UNK: variants seen among roughly 807,000 people sequenced by gnomAD.
UNK encodes RING finger protein unkempt homolog.
UNK carries 32 observed loss-of-function variants against 97.6 expected under a neutral mutation model. The ratio of observed to expected loss-of-function variants is 0.33; its 90% CI spans 0.25 to 0.44. The LOEUF is 0.44. Ranked by LOEUF, UNK falls within the 20% of genes least tolerant of loss-of-function variation. The pLI, the probability that UNK is intolerant of heterozygous loss-of-function variation, is 1.00. For missense variants in UNK, 771 were observed against 1,098.4 expected, an observed-to-expected ratio of 0.70 and a Z score of 4.21; for synonymous variants, 441 against 461.2, an observed-to-expected ratio of 0.96 and a Z score of 0.56.
At chr17:75,795,650 T>G (rs1330549041) in intron 1 of UNK, among the ~76,000 whole-genome samples, 1 of 152,074 alleles carries the variant, frequency 6.6e-6, no homozygotes, top group Non-Finnish European at 1.5e-5. Context: ...CAGAAAAACT[T>G]TGGATAAAGT....
intron 1 of UNK, 131 bp from the exon 2 acceptor site, chr17:75,809,629 C>T: frequency 1.1e-6 from 1 of 951,438 alleles, no homozygotes; most frequent in Non-Finnish European, 1.6e-6. Flanking sequence ...CTCTGGGTCT[C>T]TCCTGGTGTT....
rs987960335 is a variant in UNK at position 75,803,120 on chromosome 17, C to T, written c.105-6640C>T. On this transcript the variant is annotated intron_variant, in intron 1 of 15. Transcript: ENST00000589666. ...TACTAAAAATACAAAAATTACAGGC[C>T]GGACGCGGTGGCTCACACCTGTAAT... is the stretch of plus-strand genomic sequence containing the variant. Among the ~76,000 whole-genome samples the T allele has an allele frequency of 5.8e-5, 3 of 51,858 alleles. 1 individual carries two copies. Among genetic ancestry groups the T allele is most frequent in the African/African-American group, 1.6e-3 (2 of 1,244 alleles). The allele number at this position is 51,858 out of a possible 152,430, so 34.0% of individuals were successfully genotyped here. A position where few individuals can be genotyped will look rare whatever the true frequency, so the allele number is the denominator to read the frequency against.
Position 75,817,208 on chromosome 17 carries a change from T to C in UNK, c.1105-118T>C, listed in dbSNP as rs946112229. 7.4e-6 allele frequency: 9 copies of C among 1,211,466 alleles called. No individual in the cohort carries two copies. The African/African-American group carries it at 1.4e-4, about 19-fold the overall frequency. 75.0% of individuals were successfully genotyped at this position (1,211,466 alleles called of 1,614,324 possible). On this transcript the variant is annotated intron_variant, in intron 8 of 15. Coordinates refer to ENST00000589666, the MANE Select transcript of UNK (RefSeq NM_001080419.3). The surrounding 1 kb of genome is among the most constrained non-coding windows in gnomAD (Gnocchi z 5.8). The stretch of plus-strand genomic sequence containing the variant: ...TCCCCGAGTGGTCACTGCTGCTCGT[T>C]GGCAGATGAAAGTGGAACTGAGCCC...
Position 75,784,878 on chromosome 17 carries a change from A to C in UNK, c.-3A>C. The C allele has an allele frequency of 6.3e-7, 1 of 1,597,952 alleles. No homozygotes were observed. The highest frequency in any genetic ancestry group is 8.5e-7 in the Non-Finnish European group (1 of 1,173,478). ...AGCGGCGAAGAGGCAGGAAGACAAG[A>C]CCATGTCGAAGGGCCCCGGGCCCGG... On this transcript the variant is annotated 5_prime_UTR_variant, in exon 1 of 16. Coordinates refer to ENST00000589666, the MANE Select transcript of UNK (RefSeq NM_001080419.3).
intron 1 of UNK, among the ~76,000 whole-genome samples, chr17:75,803,124 C>T (rs1402051297): frequency 6.7e-6 from 1 of 149,312 alleles, no homozygotes; most frequent in Non-Finnish European, 1.5e-5. Context: ...ACAGGCCGGA[C>T]GCGGTGGCTC....
chr17:75,823,242 G>A (rs1273641830), intron 14 of UNK, 23 bp from the exon 15 acceptor site: 5 of 1,573,610 alleles, frequency 3.2e-6, no homozygotes, highest in East Asian at 2.3e-5. Context: ...CCATTGTGAT[G>A]AGACTGTATG....
At position 75,820,122 on chromosome 17, in the gene UNK, T is replaced by C; in HGVS notation, c.1837+14T>C. ...ATGGATCTTTGGGTAAGAGAGGGAG[T>C]GGTTCACTCAGGAGAACTGGGGCAG... On this transcript the variant is annotated intron_variant, in intron 13 of 15. Coordinates refer to ENST00000589666, the MANE Select transcript of UNK (RefSeq NM_001080419.3). 4 of 1,598,558 alleles carry C rather than the reference T, an allele frequency of 2.5e-6. No homozygotes were observed. Among genetic ancestry groups the C allele is most frequent in the Non-Finnish European group, 3.4e-6 (4 of 1,170,708 alleles).
At chr17:75,821,770 G>C (rs1464840243) in intron 13 of UNK, 3 of 455,632 alleles carry the variant, frequency 6.6e-6, no homozygotes, top group East Asian at 1.4e-4. Context: ...GCCAGAGCAG[G>C]GGGACCTGAT....
intron 1 of UNK, among the ~76,000 whole-genome samples, chr17:75,791,442 T>C (rs1388698872): frequency 6.6e-6 from 1 of 152,258 alleles, no homozygotes; most frequent in Non-Finnish European, 1.5e-5. Flanking sequence ...AAATCGTGCA[T>C]GCATTAGTAG....
chr17:75,817,300 C>T lies in UNK; in HGVS notation c.1105-26C>T, dbSNP rs760706837. On this transcript the variant is annotated intron_variant, in intron 8 of 15. Transcript: ENST00000589666. The surrounding 1 kb of genome is among the most constrained non-coding windows in gnomAD (Gnocchi z 5.8). ...ACCAGCCTGCGCTGTGCCCACGGGC[C>T]CACTCCCTCCCCTCCTTCTCCGCAG... 2.6e-6 allele frequency: 4 copies of T among 1,542,864 alleles called. No individual in the cohort carries two copies. The highest frequency in any genetic ancestry group is 1.2e-5 in the South Asian group (1 of 81,888).
chr17:75,799,795 C>G (rs1233528317), intron 1 of UNK, among the ~76,000 whole-genome samples: 2 of 152,026 alleles, frequency 1.3e-5, no homozygotes, highest in Non-Finnish European at 2.9e-5. Flanking sequence ...ACAACATGAT[C>G]AAAAGTATGG....
In UNK at chr17:75,819,455, A is replaced by C; in HGVS notation, c.1547-229A>C. On this transcript the variant is annotated intron_variant, in intron 11 of 15. Coordinates refer to ENST00000589666, the MANE Select transcript of UNK (RefSeq NM_001080419.3). The surrounding 1 kb of genome is among the most constrained non-coding windows in gnomAD (Gnocchi z 5.4). ...GGATGTGATTTCTCCTGGAAGTATCAAAGAAGATTCAGAAAGGAGAGGCAT... is the reference window on the plus strand; with the variant it reads ...GGATGTGATTTCTCCTGGAAGTATCCAAGAAGATTCAGAAAGGAGAGGCAT... 3 of 571,398 alleles carry C rather than the reference A, an allele frequency of 5.3e-6. No homozygotes were observed. The highest frequency in any genetic ancestry group is 4.1e-5 in the South Asian group (2 of 49,136). 35.4% of individuals were successfully genotyped at this position (571,398 alleles called of 1,614,324 possible).
intron 1 of UNK, among the ~76,000 whole-genome samples, chr17:75,786,458 T>C (rs2061711775): frequency 6.6e-6 from 1 of 152,248 alleles, no homozygotes; most frequent in South Asian, 2.1e-4. Context: ...ATGGAATCTG[T>C]AATAGAAAGG....
chr17:75,794,176 C>G, intron 1 of UNK: 1 of 969,450 alleles, frequency 1.0e-6, no homozygotes, highest in Non-Finnish European at 1.2e-6. Flanking sequence ...TATTAAATAT[C>G]CAGTAGAGCA....
In UNK at chr17:75,809,979, C is replaced by T; in HGVS notation, c.314+10C>T. The T allele has an allele frequency of 6.2e-7, 1 of 1,613,216 alleles. No individual in the cohort carries two copies. Among genetic ancestry groups the T allele is most frequent in the Non-Finnish European group, 8.5e-7 (1 of 1,179,702 alleles). On this transcript the variant is annotated intron_variant, in intron 2 of 15. Transcript: ENST00000589666. ...GCCCGGAGGGCGACGAGTGAGTGAC[C>T]CAGCCTGTCCTCAGAGGAGCCCCGT...
Position 75,823,406 on chromosome 17 carries a change from C to T in UNK, c.2161C>T (p.His721Tyr), listed in dbSNP as rs1205968597. The T allele has an allele frequency of 2.5e-6, 4 of 1,604,268 alleles. No homozygotes were observed. The highest frequency in any genetic ancestry group is 3.4e-6 in the Non-Finnish European group (4 of 1,175,254). ...KKLQEELERL[H>Y]AGPEPQALPA... ...GCTCCAGGAGGAGCTGGAGCGGCTA[C>T]ACGCGGGGCCTGAGCCCCAGGCCCT... The change falls in exon 15 of 16, where the codon CAC becomes TAC. Residue 721 changes from histidine (H) to tyrosine (Y), a missense_variant. Physicochemically the swap from His to Tyr is moderately conservative, Grantham distance 83 (BLOSUM62 2). Coordinates refer to ENST00000589666, the MANE Select transcript of UNK (RefSeq NM_001080419.3).
At chr17:75,811,057 G>C (rs1033812800) in intron 2 of UNK, among the ~76,000 whole-genome samples, 5 of 151,078 alleles carry the variant, frequency 3.3e-5, no homozygotes, top group African/African-American at 1.2e-4. Flanking sequence ...GGTTCAAGCA[G>C]TTCTACCTCA....
At chr17:75,796,177 A>G (rs1026718775) in intron 1 of UNK, among the ~76,000 whole-genome samples, 1 of 152,074 alleles carries the variant, frequency 6.6e-6, no homozygotes, top group Non-Finnish European at 1.5e-5. Context: ...TTCACCAGAC[A>G]CTTATTTTAT....
At chr17:75,823,861 A>C (rs994034918) in intron 15 of UNK, among the ~76,000 whole-genome samples, 2 of 152,092 alleles carry the variant, frequency 1.3e-5, no homozygotes, top group Non-Finnish European at 2.9e-5. Context: ...CCCCAGGGCT[A>C]CCCCTGCCTT....
Sources: allele counts gnomAD v4.1 joint callset (sites outside exome capture counted in the v4.1 genomes callset), GRCh38; gene constraint gnomAD v4.1.1; non-coding constraint Gnocchi (gnomAD v3.1); transcripts MANE v1.5; gene names NCBI Gene and HGNC (gene_info 2026-07-23, HGNC 2026-07-21).